NOP2: variants seen among roughly 807,000 people sequenced by gnomAD.
NOP2 encodes the protein NOP2 nucleolar protein, also known as 28S rRNA (cytosine(4447)-C(5))-methyltransferase.
A neutral mutation model predicts 72.7 loss-of-function variants in NOP2; 7 were observed. That is an observed-to-expected ratio of 0.10 (90% confidence interval 0.05 to 0.18). The LOEUF (loss-of-function observed/expected upper bound fraction) is 0.18. Ranked by LOEUF, NOP2 falls within the 10% of genes least tolerant of loss-of-function variation. NOP2 has a pLI of 1.00. For missense variants in NOP2, 954 were observed against 1,014.7 expected, an observed-to-expected ratio of 0.94 and a Z score of 0.81; for synonymous variants, 387 against 388.0, an observed-to-expected ratio of 1.00 and a Z score of 0.03.
Position 6,560,197 on chromosome 12 carries a change from G to A in NOP2, c.1690C>T (p.Arg564Cys), listed in dbSNP as rs770629626. Residue 564 changes from arginine to cysteine, a missense_variant, in exon 15 of 16, where the codon CGT (arginine) becomes TGT (cysteine). Physicochemically the swap from Arg to Cys is radical, Grantham distance 180 (BLOSUM62 -3). Transcript: ENST00000322166. This position sits in a 1 kb window ranked among gnomAD's most constrained non-coding sequence, Gnocchi z 5.0. Reference protein sequence around the residue: ...FRERRFHPSLRSTRRFYPHTH... With the variant: ...FRERRFHPSLCSTRRFYPHTH... The stretch of plus-strand genomic sequence containing the variant: ...TGAGGGTAGAAGCGTCGGGTAGAAC[G>A]CAGACTGGGGTGGAAGCGCCTTTCT... 3.7e-5 allele frequency: 60 copies of A among 1,613,902 alleles called. No individual in the cohort carries two copies. The East Asian group carries it at 4.9e-4, about 13-fold the overall frequency.
intron 3 of NOP2, 26 bp downstream of exon 3, chr12:6,566,751 A>G (rs1565593015): frequency 6.2e-7 from 1 of 1,610,900 alleles, no homozygotes; most frequent in African/African-American, 1.3e-5. Context: ...AATTTAACCT[A>G]CTTAAGTTTT....
rs1370518641 is a variant in NOP2, at chr12:6,557,406, A to G, written c.2026T>C (p.Phe676Leu). ...SVTKTQASSSFQDSSQPAGKA... is the reference protein window; with the variant it reads ...SVTKTQASSSLQDSSQPAGKA... ...CCAGCTGGCTGACTGCTATCCTGGA[A>G]GCTGGAGGAAGCTTGGGTCTTTGTG... Residue 676 changes from phenylalanine to leucine, a missense_variant, in exon 16 of 16, where the codon TTC becomes CTC. Around this residue, in one of 3 missense-constraint regions of NOP2, gnomAD observed 269 missense variants for 260.2 expected, o/e 1.03. Coordinates refer to ENST00000322166, the MANE Select transcript of NOP2 (RefSeq NM_001258308.2). 6.2e-7 allele frequency: 1 copy of G among 1,614,046 alleles called. No individual in the cohort carries two copies. The highest frequency in any genetic ancestry group is 1.7e-5 in the Admixed American group (1 of 60,034).
chr12:6,559,460 C>T (rs1425874494), intron 15 of NOP2, among the ~76,000 whole-genome samples: 2 of 152,108 alleles, frequency 1.3e-5, no homozygotes, highest in African/African-American at 4.8e-5. Context: ...GACAGGGTTT[C>T]ACCGTGTCGA....
chr12:6,560,628 C>A lies in NOP2; in HGVS notation c.1438-59G>T. 2 of 1,609,138 alleles carry A rather than the reference C, an allele frequency of 1.2e-6. No homozygotes were observed. The highest frequency in any genetic ancestry group is 1.7e-6 in the Non-Finnish European group (2 of 1,176,526). ...GAGGAGAGGGGAGCCCAGAGGGTGT[C>A]CCCATCTCAGTTTCCAGCTCTACGA... On this transcript the variant is annotated intron_variant, in intron 13 of 15. Coordinates refer to ENST00000322166, the MANE Select transcript of NOP2 (RefSeq NM_001258308.2). The surrounding 1 kb of genome is among the most constrained non-coding windows in gnomAD (Gnocchi z 5.0).
chr12:6,562,009 G>A (rs766167495), intron 9 of NOP2, 38 bp from the exon 10 acceptor site: 3 of 1,304,810 alleles, frequency 2.3e-6, no homozygotes, highest in Non-Finnish European at 2.2e-6. Context: ...TTTTTTTTGA[G>A]ATGGAGTCTC....
At position 6,566,601 on chromosome 12, in the gene NOP2, A is replaced by G. The variant is rs542297827; in HGVS notation, c.166T>C (p.Leu56=). Residue 56 remains leucine, a synonymous_variant, in exon 4 of 16, where the codon TTG becomes CTG. Transcript: ENST00000322166. Reference sequence around the variant, plus strand: ...GTCTTAGGGGCTTCAACAGAGCCCAATCTCCTCTTGGCTGCCCTGAAAAGA... The same window carrying G: ...GTCTTAGGGGCTTCAACAGAGCCCAGTCTCCTCTTGGCTGCCCTGAAAAGA... ...RARKRAAKRR[L]GSVEAPKTNK... is the part of the protein sequence containing the mutation. 54 of 1,613,818 alleles carry G rather than the reference A, an allele frequency of 3.3e-5. No individual in the cohort carries two copies. Among genetic ancestry groups the G allele is most frequent in the South Asian group, 1.6e-4 (15 of 91,090 alleles).
rs1266838240 is a variant in NOP2, at chr12:6,557,125, G to A, written c.2307C>T (p.Ala769=). The change falls in exon 16 of 16, where the codon GCC becomes GCT. Residue 769 remains alanine, a synonymous_variant. Coordinates refer to ENST00000322166, the MANE Select transcript of NOP2 (RefSeq NM_001258308.2). ...QLPEQPFEKA[A]FQKQNDTPKG... is the part of the protein sequence containing the mutation. ...TGGGGGTATCATTCTGTTTCTGGAA[G>A]GCAGCTTTCTCAAAAGGCTGCTCTG... is the stretch of plus-strand genomic sequence containing the variant. The A allele has an allele frequency of 5.0e-6, 8 of 1,613,882 alleles. No individual in the cohort carries two copies. Among genetic ancestry groups the A allele is most frequent in the Non-Finnish European group, 4.2e-6 (5 of 1,179,902 alleles).
At chr12:6,562,078 T>C in intron 9 of NOP2, 107 bp from the exon 10 acceptor site, 1 of 803,080 alleles carries the variant, frequency 1.2e-6, no homozygotes, top group South Asian at 1.5e-5. Flanking sequence ...AACCTCCACC[T>C]CCCAGATTCA....
intron 5 of NOP2, among the ~76,000 whole-genome samples, chr12:6,565,850 C>T (rs1385641695): frequency 6.6e-6 from 1 of 152,132 alleles, no homozygotes; most frequent in Non-Finnish European, 1.5e-5. Flanking sequence ...CAGTGGAGCA[C>T]ACCATTGTCC....
chr12:6,563,684 T>C lies in NOP2; in HGVS notation c.618A>G (p.Ala206=). Residue 206 remains alanine (A), a synonymous_variant, in exon 7 of 16, where the codon GCA becomes GCG. Transcript: ENST00000322166. Reference sequence around the variant, plus strand: ...CCACATTGATCTGCAGGCCCCCATCTGCCTCTTCCACCTTTGGGGGGCCTG... The same window carrying C: ...CCACATTGATCTGCAGGCCCCCATCCGCCTCTTCCACCTTTGGGGGGCCTG... ...PESGPPKVEE[A]DGGLQINVDE... 1 of 1,613,818 alleles carries C rather than the reference T, an allele frequency of 6.2e-7. No homozygotes were observed. Among genetic ancestry groups the C allele is most frequent in the South Asian group, 1.1e-5 (1 of 91,042 alleles).
Position 6,556,949 on chromosome 12 carries a change from C to G in NOP2, c.*44G>C, listed in dbSNP as rs972644607. The G allele has an allele frequency of 5.6e-6, 9 of 1,608,808 alleles. No individual in the cohort carries two copies. The Admixed American group carries it at 1.4e-4, about 25-fold the overall frequency. ...ATCCTCACAGAGGCAAGAGTTCCAA[C>G]CTGGTGACAATGGCAGTGAGCCACC... On this transcript the variant is annotated 3_prime_UTR_variant, in exon 16 of 16. Transcript: ENST00000322166.
At chr12:6,558,396 C>T (rs763678019) in intron 15 of NOP2, among the ~76,000 whole-genome samples, 12 of 151,194 alleles carry the variant, frequency 7.9e-5, no homozygotes, top group Admixed American at 3.3e-4. Flanking sequence ...CCTCAGCCTC[C>T]GGACAATCAC....
intron 15 of NOP2, among the ~76,000 whole-genome samples, chr12:6,558,342 G>A (rs1159387518): frequency 6.7e-6 from 1 of 148,562 alleles, no homozygotes; most frequent in East Asian, 2.0e-4. Context: ...GTGTGATCTC[G>A]GCTCACTGCA....
chr12:6,560,579 A>C lies in NOP2; in HGVS notation c.1438-10T>G. 6.3e-7 allele frequency: 1 copy of C among 1,597,148 alleles called. No individual in the cohort carries two copies. Among genetic ancestry groups the C allele is most frequent in the Middle Eastern group, 1.7e-4 (1 of 5,960 alleles). ...GGATGTCCTTCTCATCCTGTCCCAA[A>C]AAGAGACCCAAAGGCAGCCTCAGGA... On this transcript the variant is annotated splice_polypyrimidine_tract_variant and intron_variant, in intron 13 of 15. Transcript: ENST00000322166. This position sits in a 1 kb window ranked among gnomAD's most constrained non-coding sequence, Gnocchi z 5.0.
In NOP2 at chr12:6,566,800, C is replaced by T. The variant is rs765655556; in HGVS notation, c.126G>A (p.Arg42=). 1 of 1,613,114 alleles carries T rather than the reference C, an allele frequency of 6.2e-7. No individual in the cohort carries two copies. ...ACCTCTTTCGAGCACGACTAGACAG[C>T]CTCTTGGAATTTTCGTCACTTACTG... is the stretch of plus-strand genomic sequence containing the variant. The part of the protein sequence containing the change: ...LPAVSDENSK[R]LSSRARKRAA... The change falls in exon 3 of 16, where the codon AGG becomes AGA. Residue 42 remains arginine, a synonymous_variant. Transcript: ENST00000322166.
At position 6,563,722 on chromosome 12, in the gene NOP2, C is replaced by T. The variant is rs756073413; in HGVS notation, c.580G>A (p.Val194Met). ...TTTGGGGGGCCTGACTCAGGGGTCA[C>T]TTCTTTCTCTTCCTCCTCGTCCTCG... ...ETEDEEEEKE[V>M]TPESGPPKVE... The change falls in exon 7 of 16, where the codon GTG becomes ATG. Residue 194 changes from valine (V) to methionine (M), a missense_variant. Physicochemically the swap from Val to Met is conservative, Grantham distance 21. Coordinates refer to ENST00000322166, the MANE Select transcript of NOP2 (RefSeq NM_001258308.2). The T allele has an allele frequency of 6.8e-6, 11 of 1,613,482 alleles. No homozygotes were observed. In the South Asian group the frequency reaches 1.1e-4, roughly 16 times the overall value.
At chr12:6,561,128 C>G in intron 11 of NOP2, 58 bp from the exon 12 acceptor site, 1 of 1,594,184 alleles carries the variant, frequency 6.3e-7, no homozygotes, top group East Asian at 2.2e-5. Flanking sequence ...CACACTTGCT[C>G]CCACCCTCCT....
At chr12:6,565,989 C>G in intron 5 of NOP2, 112 bp downstream of exon 5, 3 of 845,446 alleles carry the variant, frequency 3.5e-6, no homozygotes, top group Non-Finnish European at 5.7e-6. Flanking sequence ...GCACAAAAAC[C>G]CCTTTCCTCT....
In NOP2 at chr12:6,564,218, G is replaced by A. The variant is rs1051106960; in HGVS notation, c.475-272C>T. 4 of 720,812 alleles carry A rather than the reference G, an allele frequency of 5.5e-6. No homozygotes were observed. The African/African-American group carries it at 5.7e-5, about 10-fold the overall frequency. 44.7% of individuals were successfully genotyped at this position (720,812 alleles called of 1,614,324 possible). On this transcript the variant is annotated intron_variant, in intron 5 of 15. Transcript: ENST00000322166. The stretch of plus-strand genomic sequence containing the variant: ...TTGAACCCGGGAGGTGGAGGTTGCA[G>A]TGAGCCAAGACCGAGCCACTGCACT...
Sources: allele counts gnomAD v4.1 joint callset (sites outside exome capture counted in the v4.1 genomes callset), GRCh38; gene constraint gnomAD v4.1.1; regional missense constraint gnomAD v4.1.1; non-coding constraint Gnocchi (gnomAD v3.1); transcripts MANE v1.5; gene names NCBI Gene and HGNC (gene_info 2026-07-23, HGNC 2026-07-21).